Variants in MAN2C1 observed in about 807,000 individuals in gnomAD.
MAN2C1 encodes the protein alpha-mannosidase 2C1.
Under a neutral mutation model 126.9 loss-of-function variants are expected in MAN2C1, and 111 were observed. That is an observed-to-expected ratio of 0.87 (90% CI 0.75 to 1.02). The LOEUF (loss-of-function observed/expected upper bound fraction) is 1.02. Ranked by LOEUF, MAN2C1 falls within the 50% of genes least tolerant of loss-of-function variation. MAN2C1 has a pLI of 0.00. For synonymous variants in MAN2C1, 567 were observed against 561.5 expected, an observed-to-expected ratio of 1.01 and a Z score of -0.14; for missense variants, 1,363 against 1,364.4, an observed-to-expected ratio of 1.00 and a Z score of 0.02.
chr15:75,360,419 T>C lies in MAN2C1; in HGVS notation c.1584+146A>G, dbSNP rs941227611. On this transcript the variant is annotated intron_variant, in intron 13 of 25. Transcript: ENST00000267978. Reference sequence around the variant, plus strand: ...AGGGGTTTCTGCCTCCTTCAAGCTTTCTTGACCAACCCAGGTCTTGAACTT... The same window carrying C: ...AGGGGTTTCTGCCTCCTTCAAGCTTCCTTGACCAACCCAGGTCTTGAACTT... 10 of 1,365,248 alleles carry C rather than the reference T, an allele frequency of 7.3e-6. No homozygotes were observed. In the African/African-American group the frequency reaches 1.5e-4, roughly 20 times the overall value. The allele number at this position is 1,365,248 out of a possible 1,614,324, so 84.6% of individuals were successfully genotyped here.
At chr15:75,365,946 A>G in intron 4 of MAN2C1, 1 of 430,326 alleles carries the variant, frequency 2.3e-6, no homozygotes, top group South Asian at 1.6e-5. Context: ...AAATAGCTGG[A>G]CGTGGTGGCA....
intron 1 of MAN2C1, 119 bp downstream of exon 1, chr15:75,368,364 T>A (rs931956098): frequency 1.4e-6 from 2 of 1,388,008 alleles, no homozygotes; most frequent in Non-Finnish European, 2.0e-6. Context: ...GCCCCTGCCC[T>A]GCCCGCGGCG....
chr15:75,364,491 G>C lies in MAN2C1; in HGVS notation c.597C>G (p.Ala199=). ...LVDLELLLGI[A]KGLGKDNQRS... ...GGGTACAGGGGGTGTCAAGTACCTT[G>C]GCTATGCCCAGCAGCAGCTCCAGAT... Residue 199 remains alanine (A), a synonymous_variant, in exon 5 of 26, where the codon GCC becomes GCG. Coordinates refer to ENST00000267978, the MANE Select transcript of MAN2C1 (RefSeq NM_006715.4). 1 of 1,586,534 alleles carries C rather than the reference G, an allele frequency of 6.3e-7. No individual in the cohort carries two copies. Among genetic ancestry groups the C allele is most frequent in the Non-Finnish European group, 8.6e-7 (1 of 1,165,938 alleles).
intron 6 of MAN2C1, chr15:75,363,777 C>A: frequency 1.8e-6 from 1 of 547,528 alleles, no homozygotes; most frequent in East Asian, 3.3e-5. Context: ...TTGCACTCCA[C>A]CCTGGGTGAC....
chr15:75,367,552 C>T lies in MAN2C1; in HGVS notation c.310G>A (p.Asp104Asn). The change falls in exon 3 of 26, where the codon GAT becomes AAT. Residue 104 changes from aspartate to asparagine, a missense_variant. Physicochemically the swap from Asp to Asn is conservative, Grantham distance 23 (BLOSUM62 1). Transcript: ENST00000267978. ...GQEVHLCWES[D>N]GEGLVWRDGE... is the part of the protein sequence containing the mutation. ...TCACGCCACACCAGACCTTCTCCAT[C>T]ACTTTCCCAGCAAAGGTGAACTTCC... The T allele has an allele frequency of 6.2e-7, 1 of 1,614,216 alleles. No homozygotes were observed. Among genetic ancestry groups the T allele is most frequent in the South Asian group, 1.1e-5 (1 of 91,086 alleles).
chr15:75,364,379 A>G, intron 5 of MAN2C1, 109 bp downstream of exon 5: 1 of 1,335,170 alleles, frequency 7.5e-7, no homozygotes, highest in Non-Finnish European at 1.0e-6. Flanking sequence ...GCAGGTGGAA[A>G]CCCTCGTCCT....
intron 6 of MAN2C1, 140 bp downstream of exon 6, chr15:75,363,859 G>C (rs559595810): frequency 1.1e-6 from 1 of 870,992 alleles, no homozygotes; most frequent in Non-Finnish European, 1.8e-6. Flanking sequence ...CCAGCCCCCC[G>C]GCCCCGTTTT....
Position 75,368,118 on chromosome 15 carries a change from T to C in MAN2C1, c.182A>G (p.Gln61Arg), listed in dbSNP as rs538643880. ...PERLPYQEAV[Q>R]RDFRPAQVGD... ...GACCTGCGCGGGGCGGAAGTCCCGC[T>C]GGACTGCCTCCTGGTAGGGAAGTCT... The change falls in exon 2 of 26, where the codon CAG becomes CGG. Residue 61 changes from glutamine (Q) to arginine (R), a missense_variant. Physicochemically the swap from Gln to Arg is conservative, Grantham distance 43 (BLOSUM62 1). This residue lies in a region of MAN2C1 where 628 missense variants were observed against 609.8 expected (regional missense o/e 1.03). Coordinates refer to ENST00000267978, the MANE Select transcript of MAN2C1 (RefSeq NM_006715.4). 2.5e-6 allele frequency: 4 copies of C among 1,607,308 alleles called. No homozygotes were observed. In the South Asian group the frequency reaches 3.3e-5, roughly 13 times the overall value.
chr15:75,360,433 G>T, intron 13 of MAN2C1, 132 bp downstream of exon 13: 1 of 1,400,614 alleles, frequency 7.1e-7, no homozygotes, highest in Non-Finnish European at 9.6e-7. Flanking sequence ...GACCAACCCA[G>T]GTCTTGAACT....
In MAN2C1 at chr15:75,364,584, C is replaced by A; in HGVS notation, c.504G>T (p.Glu168Asp). ...CAGCCCGGCTCAGCTGGAACATCTTCTCAGGGTCAGGGGCTGCAATCATGC... is the reference window on the plus strand; with the variant it reads ...CAGCCCGGCTCAGCTGGAACATCTTATCAGGGTCAGGGGCTGCAATCATGC... ...KGSMIAAPDP[E>D]KMFQLSRAEL... The change falls in exon 5 of 26, where the codon GAG becomes GAT. Residue 168 changes from glutamate (E) to aspartate (D), a missense_variant. Glu to Asp is a conservative substitution (Grantham distance 45, BLOSUM62 2). This residue lies in a region of MAN2C1 where 628 missense variants were observed against 609.8 expected (regional missense o/e 1.03). Coordinates refer to ENST00000267978, the MANE Select transcript of MAN2C1 (RefSeq NM_006715.4). 1.2e-6 allele frequency: 2 copies of A among 1,613,458 alleles called. No homozygotes were observed. Among genetic ancestry groups the A allele is most frequent in the Non-Finnish European group, 1.7e-6 (2 of 1,179,702 alleles).
Position 75,362,819 on chromosome 15 carries a change from G to C in MAN2C1, c.791-71C>G, listed in dbSNP as rs1184349964. The C allele has an allele frequency of 7.6e-7, 1 of 1,310,274 alleles. No individual in the cohort carries two copies. The highest frequency in any genetic ancestry group is 1.5e-5 in the African/African-American group (1 of 68,904). The allele number at this position is 1,310,274 out of a possible 1,614,324, so 81.2% of individuals were successfully genotyped here. On this transcript the variant is annotated intron_variant, in intron 6 of 25. Transcript: ENST00000267978. This position sits in a 1 kb window ranked among gnomAD's most constrained non-coding sequence, Gnocchi z 4.5. The stretch of plus-strand genomic sequence containing the variant: ...CCAGGCCTGGGCTGGGACTCCAGAG[G>C]GTCACCTAGCCCCCCTCCCATCCCA...
Position 75,364,125 on chromosome 15 carries a change from C to G in MAN2C1, c.664G>C (p.Val222Leu), listed in dbSNP as rs749535388. Residue 222 changes from valine to leucine, a missense_variant, in exon 6 of 26, where the codon GTG becomes CTG. Physicochemically the swap from Val to Leu is conservative, Grantham distance 32. Around this residue, in one of 3 missense-constraint regions of MAN2C1, gnomAD observed 628 missense variants for 609.8 expected, o/e 1.03. Coordinates refer to ENST00000267978, the MANE Select transcript of MAN2C1 (RefSeq NM_006715.4). ...ALYTANQMVN[V>L]CDPAQPETFP... ...GTCTCGGGCTGGGCAGGGTCACACA[C>G]GTTCACCATCTGATTGGCTGTGTAC... The G allele has an allele frequency of 1.2e-6, 2 of 1,614,056 alleles. No homozygotes were observed. The highest frequency in any genetic ancestry group is 2.7e-5 in the African/African-American group (2 of 74,950).
At chr15:75,367,776 A>C in intron 2 of MAN2C1, 142 bp from the exon 3 acceptor site, 1 of 1,112,312 alleles carries the variant, frequency 9.0e-7, no homozygotes, top group Non-Finnish European at 1.3e-6. Context: ...ACAAGAAAGG[A>C]GCAACAAGGT....
rs1172845990 is a variant in MAN2C1 at position 75,356,323 on chromosome 15, A to ACCGC, written c.2860_2863dup (p.Val955GlyfsTer25). ...TGCCTGCTTGACGGTCTCCAATACG[A>ACCGC]CCGCGGGTGAAGACACGGAAAACGC... On this transcript the variant is annotated frameshift_variant, in exon 24 of 26. Coordinates refer to ENST00000267978, the MANE Select transcript of MAN2C1 (RefSeq NM_006715.4). LOFTEE classifies it high-confidence loss of function. The surrounding 1 kb of genome is among the most constrained non-coding windows in gnomAD (Gnocchi z 5.8). The ACCGC allele has an allele frequency of 5.6e-6, 9 of 1,611,136 alleles. No individual in the cohort carries two copies. Among genetic ancestry groups the ACCGC allele is most frequent in the African/African-American group, 1.3e-5 (1 of 74,288 alleles).
At position 75,362,073 on chromosome 15, in the gene MAN2C1, C is replaced by T; in HGVS notation, c.1009-126G>A. The stretch of plus-strand genomic sequence containing the variant: ...TCAAACATGGGAGTTACAGCCAGAA[C>T]TCAGGAAGGGCCCCTGTCCTTCAGG... On this transcript the variant is annotated intron_variant, in intron 8 of 25. Coordinates refer to ENST00000267978, the MANE Select transcript of MAN2C1 (RefSeq NM_006715.4). This position sits in a 1 kb window ranked among gnomAD's most constrained non-coding sequence, Gnocchi z 4.5. The T allele has an allele frequency of 1.3e-6, 1 of 769,464 alleles. No individual in the cohort carries two copies. The highest frequency in any genetic ancestry group is 2.2e-6 in the Non-Finnish European group (1 of 453,620). The allele number at this position is 769,464 out of a possible 1,614,324, so 47.7% of individuals were successfully genotyped here.
Position 75,356,710 on chromosome 15 carries a change from GC to G in MAN2C1, c.2658-26del. ...GCTGGGGTGAGGAGGGCGCGTAGGG[GC>G]CACGCTGAAGCTGTTGGAGTTGTGG... is the stretch of plus-strand genomic sequence containing the variant. On this transcript the variant is annotated intron_variant, in intron 22 of 25. Coordinates refer to ENST00000267978, the MANE Select transcript of MAN2C1 (RefSeq NM_006715.4). This position sits in a 1 kb window ranked among gnomAD's most constrained non-coding sequence, Gnocchi z 5.8. 1.2e-6 allele frequency: 2 copies of G among 1,610,622 alleles called. No homozygotes were observed. Among genetic ancestry groups the G allele is most frequent in the Non-Finnish European group, 1.7e-6 (2 of 1,178,534 alleles).
chr15:75,357,974 T>G (rs951973862), intron 21 of MAN2C1: 26 of 508,964 alleles, frequency 5.1e-5, no homozygotes, highest in Non-Finnish European at 8.1e-5. Flanking sequence ...AGGCTGGTCT[T>G]GAACTCCTGA....
At chr15:75,368,247 G>T in intron 1 of MAN2C1, 49 bp from the exon 2 acceptor site, 1 of 1,548,112 alleles carries the variant, frequency 6.5e-7, no homozygotes, top group Non-Finnish European at 8.7e-7. Context: ...CCCCGTTTCC[G>T]CCTGGGGGCC....
At chr15:75,359,882 C>T (rs768811814) in intron 15 of MAN2C1, 21 bp downstream of exon 15, 1 of 1,611,488 alleles carries the variant, frequency 6.2e-7, no homozygotes, top group South Asian at 1.1e-5. Flanking sequence ...AGAGAGCAGG[C>T]AGGACTATTG....
Sources: allele counts gnomAD v4.1 joint callset, GRCh38; gene constraint gnomAD v4.1.1; regional missense constraint gnomAD v4.1.1; non-coding constraint Gnocchi (gnomAD v3.1); transcripts MANE v1.5; gene names NCBI Gene and HGNC (gene_info 2026-07-23, HGNC 2026-07-21).